The following DLG2 variants were observed in gnomAD, a reference collection of about 807,000 sequenced individuals.
DLG2 encodes discs large MAGUK scaffold protein 2.
In DLG2, 45 loss-of-function variants were observed where a neutral mutation model predicts 132.5. The ratio of observed to expected loss-of-function variants is 0.34; its 90% CI spans 0.27 to 0.44. DLG2 has a LOEUF of 0.44. Among genes scored for constraint, DLG2 ranks in the 20% least tolerant of loss-of-function variants. The pLI is 1.00. For synonymous variants in DLG2, 424 were observed against 419.6 expected (o/e 1.01, Z -0.13); for missense variants, 1,045 against 1,196.9 (o/e 0.87, Z 1.87).
chr11:83,563,725 A>G (rs910676416), intron 19 of DLG2, among the ~76,000 whole-genome samples: 14 of 152,332 alleles, frequency 9.2e-5, no homozygotes, highest in African/African-American at 3.4e-4. Flanking sequence ...AGGAAATTAA[A>G]GCCTAGATAG....
At chr11:84,998,983 A>G (rs1054207398) in intron 6 of DLG2, among the ~76,000 whole-genome samples, 1 of 150,608 alleles carries the variant, frequency 6.6e-6, no homozygotes. Flanking sequence ...TTATATATAT[A>G]TATATATTTT....
intron 6 of DLG2, among the ~76,000 whole-genome samples, chr11:85,084,978 A>C (rs2067724001): frequency 1.3e-5 from 2 of 152,160 alleles, no homozygotes; most frequent in Non-Finnish European, 2.9e-5. Context: ...TGTTCTCCAT[A>C]AACTGTTAGT....
rs149282283 is a variant in DLG2, at chr11:85,504,924, T to C, written c.40+93733A>G. ...TTGTAGTTCTCCTTGAAGAGATCCT[T>C]CACATCCCTTGTAAGTTGGATTCCT... is the stretch of plus-strand genomic sequence containing the variant. On this transcript the variant is annotated intron_variant, in intron 3 of 27. Transcript: ENST00000376104. Among the ~76,000 whole-genome samples, 977 of 152,294 alleles carry C rather than the reference T, an allele frequency of 6.4e-3. 30 individuals are homozygous for C. The East Asian group carries it at 0.095, about 15-fold the overall frequency.
intron 8 of DLG2, among the ~76,000 whole-genome samples, chr11:84,194,893 C>T (rs1037361311): frequency 3.9e-5 from 6 of 152,274 alleles, no homozygotes; most frequent in East Asian, 1.9e-4. Flanking sequence ...GCTCCAAGCG[C>T]GGGGCCTATT....
intron 8 of DLG2, among the ~76,000 whole-genome samples, chr11:84,228,825 C>T (rs1226124595): frequency 1.3e-5 from 2 of 152,098 alleles, no homozygotes; most frequent in Non-Finnish European, 2.9e-5. Context: ...ATTGGTAAAG[C>T]TGGTGGGCTC....
intron 12 of DLG2, among the ~76,000 whole-genome samples, chr11:83,965,680 G>T (rs1258024630): frequency 1.3e-5 from 2 of 151,922 alleles, no homozygotes; most frequent in Non-Finnish European, 2.9e-5. Flanking sequence ...AAATGAGGAA[G>T]TGATATACAG....
rs140402445 is a variant in DLG2, at chr11:84,771,169, T to A, written c.358-236438A>T. On this transcript the variant is annotated intron_variant, in intron 6 of 27. Transcript: ENST00000376104. ...ATTGCTGGGTCAAATGGCATTTCTG[T>A]CTTTAGGACTTTGAGGAATTGCCAC... Among the ~76,000 whole-genome samples the A allele has an allele frequency of 4.5e-3, 683 of 152,286 alleles. 2 individuals are homozygous for A. The highest frequency in any genetic ancestry group is 7.6e-3 in the Non-Finnish European group (518 of 68,026).
At chr11:84,340,277 T>C (rs1311654688) in intron 7 of DLG2, among the ~76,000 whole-genome samples, 1 of 152,178 alleles carries the variant, frequency 6.6e-6, no homozygotes, top group Non-Finnish European at 1.5e-5. Flanking sequence ...ACTGCCCCAG[T>C]CTTTTACTGG....
At chr11:83,867,377 A>G (rs7926185) in intron 16 of DLG2, among the ~76,000 whole-genome samples, 45,593 of 151,980 alleles carry the variant, frequency 0.3, 7,560 homozygotes, top group African/African-American at 0.43. Flanking sequence ...TAAAATATAC[A>G]ATATTTAATG....
intron 21 of DLG2, among the ~76,000 whole-genome samples, chr11:83,525,066 G>A (rs1177494605): frequency 3.9e-5 from 6 of 152,154 alleles, no homozygotes; most frequent in Admixed American, 3.3e-4. Flanking sequence ...TATTCTCCAC[G>A]CCATTCCACA....
intron 6 of DLG2, among the ~76,000 whole-genome samples, chr11:84,816,917 G>C (rs1266790799): frequency 6.6e-6 from 1 of 151,904 alleles, no homozygotes; most frequent in African/African-American, 2.4e-5. Context: ...TATGGTCTTT[G>C]CCAAGTCATC....
intron 7 of DLG2, among the ~76,000 whole-genome samples, chr11:84,326,878 T>C (rs1051582412): frequency 1.3e-5 from 2 of 152,174 alleles, no homozygotes; most frequent in Non-Finnish European, 2.9e-5. Flanking sequence ...AATGTCTGTT[T>C]TATATATTTG....
At chr11:84,708,441 C>T (rs1320725075) in intron 6 of DLG2, among the ~76,000 whole-genome samples, 12 of 151,882 alleles carry the variant, frequency 7.9e-5, no homozygotes. Context: ...TGACCACTTT[C>T]TCTAAGACCG....
intron 11 of DLG2, among the ~76,000 whole-genome samples, chr11:83,994,405 T>C (rs1432686522): frequency 6.6e-6 from 1 of 152,148 alleles, no homozygotes; most frequent in Non-Finnish European, 1.5e-5. Context: ...AATTTTTTAT[T>C]TTTATTTTAA....
At chr11:84,609,047 C>T (rs2099590712) in intron 6 of DLG2, among the ~76,000 whole-genome samples, 1 of 152,110 alleles carries the variant, frequency 6.6e-6, no homozygotes, top group Non-Finnish European at 1.5e-5. Flanking sequence ...CCTACGCTGC[C>T]TCTTAATGCT....
chr11:85,282,110 A>G (rs2078267498), intron 4 of DLG2, among the ~76,000 whole-genome samples: 1 of 152,040 alleles, frequency 6.6e-6, no homozygotes, highest in Non-Finnish European at 1.5e-5. Flanking sequence ...GAGATAAGCC[A>G]GGCACAGAAA....
At chr11:84,953,424 A>G (rs2051217646) in intron 6 of DLG2, among the ~76,000 whole-genome samples, 1 of 152,058 alleles carries the variant, frequency 6.6e-6, no homozygotes, top group African/African-American at 2.4e-5. Flanking sequence ...CTGGCCAGCT[A>G]CTTCCCATCC....
intron 11 of DLG2, among the ~76,000 whole-genome samples, chr11:84,029,385 T>G (rs564193620): frequency 6.6e-6 from 1 of 152,162 alleles, no homozygotes; most frequent in East Asian, 1.9e-4. Flanking sequence ...TCATCCACAT[T>G]TCCTTGTCCT....
intron 18 of DLG2, among the ~76,000 whole-genome samples, chr11:83,776,472 A>C (rs1418455302): frequency 2.6e-5 from 4 of 152,184 alleles, no homozygotes; most frequent in Admixed American, 2.0e-4. Flanking sequence ...ATGCCTTTCA[A>C]CTGGTCCTAC....
Sources: allele counts gnomAD v4.1 joint callset (sites outside exome capture counted in the v4.1 genomes callset), GRCh38; gene constraint gnomAD v4.1.1; transcripts MANE v1.5; gene names NCBI Gene and HGNC (gene_info 2026-07-23, HGNC 2026-07-21).